ALK: variants seen among roughly 807,000 people sequenced by gnomAD.
ALK encodes ALK receptor tyrosine kinase, also known as ALK tyrosine kinase receptor.
In ALK, 74 loss-of-function variants were observed where a neutral mutation model predicts 163.1. The observed-to-expected ratio is 0.45, with a 90% CI of 0.38 to 0.55. ALK has a LOEUF of 0.55. ALK is among the 20% of genes least tolerant of loss of function. The pLI is 0.00. For missense variants in ALK, 2,063 were observed against 2,105.3 expected (o/e 0.98, Z 0.39); for synonymous variants, 960 against 843.2 (o/e 1.14, Z -2.40).
At chr2:29,555,688 A>C (rs540043395) in intron 3 of ALK, among the ~76,000 whole-genome samples, 1 of 152,350 alleles carries the variant, frequency 6.6e-6, no homozygotes, top group South Asian at 2.1e-4. Flanking sequence ...CAATTGAACG[A>C]GCCTGAAGAT....
Position 29,209,748 on chromosome 2 carries a change from A to G in ALK, c.3836+38T>C, listed in dbSNP as rs759054824. 3.3e-6 allele frequency: 5 copies of G among 1,502,004 alleles called. No individual in the cohort carries two copies. The Middle Eastern group carries it at 5.5e-4, about 165-fold the overall frequency. 93.0% of individuals were successfully genotyped at this position (1,502,004 alleles called of 1,614,324 possible). ...CCCATTCTTGAGGGGCTGAGGTGGA[A>G]GAGACAGGCCCGGAGGGGTGAGGCA... is the stretch of plus-strand genomic sequence containing the variant. On this transcript the variant is annotated intron_variant, in intron 25 of 28. Coordinates refer to ENST00000389048, the MANE Select transcript of ALK (RefSeq NM_004304.5).
chr2:29,856,291 A>C (rs979357462), intron 1 of ALK, among the ~76,000 whole-genome samples: 1 of 152,210 alleles, frequency 6.6e-6, no homozygotes, highest in African/African-American at 2.4e-5. Flanking sequence ...TCTTTATTTT[A>C]GAGTCATTGT....
At chr2:29,342,044 A>AT (rs1667808480) in intron 5 of ALK, among the ~76,000 whole-genome samples, 1 of 152,230 alleles carries the variant, frequency 6.6e-6, no homozygotes. Flanking sequence ...TGTATTGGGC[A>AT]TTTTTTGAAT....
intron 5 of ALK, among the ~76,000 whole-genome samples, chr2:29,340,603 C>A (rs1358293407): frequency 1.3e-5 from 2 of 152,216 alleles, no homozygotes; most frequent in African/African-American, 4.8e-5. Context: ...CTTCCACCCT[C>A]ACCACTGATT....
intron 9 of ALK, chr2:29,286,852 A>G (rs1169732014): frequency 1.3e-5 from 2 of 152,134 alleles, no homozygotes; most frequent in Non-Finnish European, 2.9e-5. Flanking sequence ...AAGAAGAGAC[A>G]TTCTCAAGTG....
In ALK at chr2:29,605,731, A is replaced by G. The variant is rs72862817; in HGVS notation, c.953-73615T>C. On this transcript the variant is annotated intron_variant, in intron 3 of 28. Coordinates refer to ENST00000389048, the MANE Select transcript of ALK (RefSeq NM_004304.5). ...TTGCCTCCAGAACTATGAGAAATCA[A>G]TGTATGTTGTTTAAGCCACCCAGTA... 6.3e-3 allele frequency among the ~76,000 whole-genome samples: 963 copies of G among 152,248 alleles called. 12 individuals are homozygous for G. The highest frequency in any genetic ancestry group is 0.023 in the African/African-American group (942 of 41,532).
intron 1 of ALK, among the ~76,000 whole-genome samples, chr2:29,752,022 T>A (rs754021227): frequency 1.3e-5 from 2 of 152,178 alleles, no homozygotes; most frequent in Non-Finnish European, 2.9e-5. Flanking sequence ...AGCACAAAGC[T>A]AACATCATCT....
intron 4 of ALK, among the ~76,000 whole-genome samples, chr2:29,416,143 C>G (rs769547176): frequency 1.3e-5 from 2 of 152,202 alleles, no homozygotes; most frequent in Non-Finnish European, 2.9e-5. Context: ...TCTATATATA[C>G]CCTCCTGGTT....
intron 1 of ALK, among the ~76,000 whole-genome samples, chr2:29,869,040 A>C (rs13011250): frequency 0.45 from 68,318 of 151,960 alleles, 16,139 homozygotes; most frequent in Non-Finnish European, 0.5. Context: ...AGAGTTTGAA[A>C]CGTCTTTCAC....
At chr2:29,233,810 A>G (rs1331154534) in intron 13 of ALK, 114 bp from the exon 14 acceptor site, 1 of 1,420,320 alleles carries the variant, frequency 7.0e-7, no homozygotes, top group African/African-American at 1.4e-5. Flanking sequence ...AAAAACTTAC[A>G]GTTGAGTTGA....
intron 1 of ALK, among the ~76,000 whole-genome samples, chr2:29,723,280 T>C (rs765042249): frequency 6.6e-6 from 1 of 152,182 alleles, no homozygotes; most frequent in Non-Finnish European, 1.5e-5. Context: ...GCCTTTGCAC[T>C]GGCAGTTCTC....
intron 3 of ALK, among the ~76,000 whole-genome samples, chr2:29,677,221 C>A (rs1366266986): frequency 1.4e-5 from 2 of 143,984 alleles, no homozygotes; most frequent in Non-Finnish European, 3.1e-5. Context: ...TCCTTCCCTC[C>A]CTTCTTCCTT....
In ALK at chr2:29,868,176, G is replaced by A. The variant is rs1370784456; in HGVS notation, c.667+51817C>T. ...AGGAAAAGGAAAAGGAAGGAGAGAA[G>A]ATGGTCTGGTTTTCTCTCTGGCCTT... On this transcript the variant is annotated intron_variant, in intron 1 of 28. Transcript: ENST00000389048. Among the ~76,000 whole-genome samples, 6 of 152,202 alleles carry A rather than the reference G, an allele frequency of 3.9e-5. No homozygotes were observed. The East Asian group carries it at 1.2e-3, about 29-fold the overall frequency.
chr2:29,206,138 C>G (rs373046856), intron 26 of ALK, among the ~76,000 whole-genome samples: 1 of 152,124 alleles, frequency 6.6e-6, no homozygotes, highest in South Asian at 2.1e-4. Context: ...ATTCCTTAAA[C>G]AGACCTTTCA....
rs1453609255 is a variant in ALK at position 29,756,552 on chromosome 2, A to G, written c.668-38855T>C. Among the ~76,000 whole-genome samples the G allele has an allele frequency of 4.2e-5, 6 of 142,598 alleles. No individual in the cohort carries two copies. In the East Asian group the frequency reaches 1.2e-3, roughly 29 times the overall value. 93.5% of individuals were successfully genotyped at this position (142,598 alleles called of 152,430 possible). On this transcript the variant is annotated intron_variant, in intron 1 of 28. Coordinates refer to ENST00000389048, the MANE Select transcript of ALK (RefSeq NM_004304.5). The stretch of plus-strand genomic sequence containing the variant: ...TGATTTTTTTTTTTTTTTTTGAGAC[A>G]GAGTCTCACTCACTCTGTTGCCCAG...
intron 5 of ALK, among the ~76,000 whole-genome samples, chr2:29,378,826 T>A (rs569902175): frequency 1.3e-3 from 196 of 151,920 alleles, no homozygotes; most frequent in Non-Finnish European, 2.6e-3. Flanking sequence ...AGCTTCTGCC[T>A]CAGCCTCCCG....
chr2:29,422,098 CAG>C (rs1170898389), intron 4 of ALK, among the ~76,000 whole-genome samples: 2 of 151,456 alleles, frequency 1.3e-5, no homozygotes, highest in Non-Finnish European at 2.9e-5. Context: ...GCAAAGGAAT[CAG>C]AGTCTGAAGA....
intron 3 of ALK, among the ~76,000 whole-genome samples, chr2:29,594,900 GT>G (rs72381063): frequency 0.49 from 38,618 of 78,726 alleles, 9,663 homozygotes; most frequent in Middle Eastern, 0.53. Flanking sequence ...AAAATGGGGG[GT>G]GGGGGGCGGG....
chr2:29,549,124 G>T (rs1485833787), intron 3 of ALK, among the ~76,000 whole-genome samples: 1 of 140,266 alleles, frequency 7.1e-6, no homozygotes, highest in African/African-American at 2.6e-5. Context: ...AACAGTGGCT[G>T]CTGATCTACA....
Sources: allele counts gnomAD v4.1 joint callset (sites outside exome capture counted in the v4.1 genomes callset), GRCh38; gene constraint gnomAD v4.1.1; transcripts MANE v1.5; gene names NCBI Gene and HGNC (gene_info 2026-07-23, HGNC 2026-07-21).